Variants in ERAP1 observed in about 807,000 individuals in gnomAD.
ERAP1 encodes the protein endoplasmic reticulum aminopeptidase 1.
ERAP1 carries 86 observed loss-of-function variants against 103.7 expected under a neutral mutation model. The ratio of observed to expected loss-of-function variants is 0.83; its 90% CI spans 0.70 to 0.99. ERAP1 has a LOEUF of 0.99. Ranked by LOEUF, ERAP1 falls within the 50% of genes least tolerant of loss-of-function variation. The pLI is 0.00. For synonymous variants in ERAP1, 398 were observed against 402.4 expected, an observed-to-expected ratio of 0.99 and a Z score of 0.13; for missense variants, 1,009 against 1,128.4, an observed-to-expected ratio of 0.89 and a Z score of 1.52.
chr5:96,928,462 A>G, the ERAP1 span, among the ~76,000 whole-genome samples: 1 of 152,214 alleles, frequency 6.6e-6, no homozygotes, highest in African/African-American at 2.4e-5. Context: ...GGACACAGGT[A>G]TGCACACAGG....
chr5:96,801,017 T>C lies in ERAP1; in HGVS notation c.525-17A>G, dbSNP rs768999187. ...GCTAGTATCCTAAAATTAAGGCAAGTGAAATAAAAATTGAGCATGAAGCAC... is the reference window on the plus strand; with the variant it reads ...GCTAGTATCCTAAAATTAAGGCAAGCGAAATAAAAATTGAGCATGAAGCAC... On this transcript the variant is annotated splice_polypyrimidine_tract_variant and intron_variant, in intron 2 of 18. Transcript: ENST00000443439. 1.2e-6 allele frequency: 2 copies of C among 1,613,506 alleles called. No individual in the cohort carries two copies. Among genetic ancestry groups the C allele is most frequent in the South Asian group, 1.1e-5 (1 of 91,068 alleles).
chr5:96,914,054 T>A, the ERAP1 span, among the ~76,000 whole-genome samples: 16 of 152,250 alleles, frequency 1.1e-4, no homozygotes, highest in East Asian at 2.9e-3. Context: ...TTCCTGGATC[T>A]AAAATATCCC....
upstream of ERAP1, among the ~76,000 whole-genome samples, chr5:96,810,864 T>G (rs1276986798): frequency 1.3e-5 from 2 of 152,244 alleles, no homozygotes; most frequent in East Asian, 3.8e-4. Context: ...GCTCATTTCT[T>G]CTGTTTTGCT....
the ERAP1 span, among the ~76,000 whole-genome samples, chr5:96,875,687 A>T: frequency 6.6e-6 from 1 of 152,172 alleles, no homozygotes; most frequent in African/African-American, 2.4e-5. Context: ...TATCTGGGGA[A>T]AGAAAACACT....
the ERAP1 span, chr5:96,900,209 C>T: frequency 3.1e-6 from 5 of 1,613,100 alleles, no homozygotes; most frequent in Non-Finnish European, 4.2e-6. Context: ...AAGAGAGTCA[C>T]AGAGTAGAAG....
chr5:96,781,858 T>C lies in ERAP1; in HGVS notation c.2286-4A>G, dbSNP rs1323932231. ...CAAGGTCACGTCGACAGGCAGGCTA[T>C]AGAAAGGAACACACTCGGTGAGAAT... is the stretch of plus-strand genomic sequence containing the variant. On this transcript the variant is annotated splice_polypyrimidine_tract_variant and splice_region_variant and intron_variant, in intron 15 of 18. Transcript: ENST00000443439. 1 of 1,613,566 alleles carries C rather than the reference T, an allele frequency of 6.2e-7. No individual in the cohort carries two copies. The highest frequency in any genetic ancestry group is 1.3e-5 in the African/African-American group (1 of 75,002).
the ERAP1 span, among the ~76,000 whole-genome samples, chr5:96,820,056 T>C: frequency 4.6e-5 from 7 of 152,276 alleles, no homozygotes; most frequent in South Asian, 1.5e-3. Context: ...ATTCTGTTGT[T>C]CTCCATTTGC....
chr5:96,818,005 A>G, the ERAP1 span, among the ~76,000 whole-genome samples: 1 of 152,228 alleles, frequency 6.6e-6, no homozygotes, highest in African/African-American at 2.4e-5. Flanking sequence ...AATAAATATT[A>G]AACTGTACTG....
At chr5:96,791,909 T>C (rs1046622098) in intron 8 of ERAP1, 152 bp downstream of exon 8, 35 of 708,868 alleles carry the variant, frequency 4.9e-5, no homozygotes, top group Middle Eastern at 3.1e-4. Flanking sequence ...AAACTGCAAG[T>C]TAGTCCTAAA....
At chr5:96,927,445 A>C in the ERAP1 span, among the ~76,000 whole-genome samples, 1 of 151,388 alleles carries the variant, frequency 6.6e-6, no homozygotes, top group Non-Finnish European at 1.5e-5. Context: ...GGCCATTTGT[A>C]TATCTTCTTT....
the ERAP1 span, among the ~76,000 whole-genome samples, chr5:96,912,062 C>T: frequency 6.0e-5 from 9 of 149,876 alleles, no homozygotes; most frequent in Admixed American, 4.7e-4. Flanking sequence ...CGGTGGCGGG[C>T]GCCTGTAGTC....
At chr5:96,819,763 A>T in the ERAP1 span, among the ~76,000 whole-genome samples, 11 of 152,128 alleles carry the variant, frequency 7.2e-5, no homozygotes, top group African/African-American at 2.7e-4. Flanking sequence ...ATTGACATGG[A>T]TCTTTCCAAG....
At chr5:96,835,210 T>G in the ERAP1 span, among the ~76,000 whole-genome samples, 1 of 152,238 alleles carries the variant, frequency 6.6e-6, no homozygotes, top group African/African-American at 2.4e-5. Context: ...CCTAGAAGGC[T>G]AAAAGGATAA....
chr5:96,856,741 A>T, the ERAP1 span, among the ~76,000 whole-genome samples: 1 of 152,128 alleles, frequency 6.6e-6, no homozygotes, highest in Admixed American at 6.5e-5. Flanking sequence ...TACTTACGGC[A>T]TAGTTGTCAC....
chr5:96,913,560 A>G, the ERAP1 span: 1 of 1,337,462 alleles, frequency 7.5e-7, no homozygotes, highest in Non-Finnish European at 1.0e-6. Flanking sequence ...AAATAATACC[A>G]TTTGTATCCA....
the ERAP1 span, among the ~76,000 whole-genome samples, chr5:96,855,833 G>A: frequency 1.3e-5 from 2 of 152,050 alleles, no homozygotes; most frequent in Non-Finnish European, 2.9e-5. Context: ...GTAGGAGAAG[G>A]GAATTTTCAG....
rs188134760 is a variant in ERAP1 at position 96,794,575 on chromosome 5, T to C, written c.919+467A>G. 5.6e-4 allele frequency among the ~76,000 whole-genome samples: 86 copies of C among 152,312 alleles called. 1 individual carries two copies. The highest frequency in any genetic ancestry group is 1.9e-3 in the African/African-American group (81 of 41,574). On this transcript the variant is annotated intron_variant, in intron 5 of 18. Coordinates refer to ENST00000443439, the MANE Select transcript of ERAP1 (RefSeq NM_001040458.3). ...TAAACAATTATAATAATCCATTCTA[T>C]TTTGGATGCCCAAGACCCACATATA...
At chr5:96,819,545 TG>T in the ERAP1 span, among the ~76,000 whole-genome samples, 2 of 152,172 alleles carry the variant, frequency 1.3e-5, no homozygotes, top group Non-Finnish European at 2.9e-5. Flanking sequence ...GAAAATAAAA[TG>T]TTTTCTACCA....
At chr5:96,829,193 T>A in the ERAP1 span, among the ~76,000 whole-genome samples, 1 of 152,182 alleles carries the variant, frequency 6.6e-6, no homozygotes, top group Non-Finnish European at 1.5e-5. Context: ...TCCCCTAGGG[T>A]CCCAGTCCGA....
Sources: allele counts gnomAD v4.1 joint callset (sites outside exome capture counted in the v4.1 genomes callset), GRCh38; gene constraint gnomAD v4.1.1; transcripts MANE v1.5; gene names NCBI Gene and HGNC (gene_info 2026-07-23, HGNC 2026-07-21).